Variants in SYT1 observed in about 807,000 individuals in gnomAD.
The protein encoded by SYT1 is synaptotagmin 1.
In SYT1, 8 loss-of-function variants were observed where a neutral mutation model predicts 44.8. The ratio of observed to expected loss-of-function variants is 0.18; its 90% confidence interval spans 0.10 to 0.32. SYT1 has a LOEUF of 0.32. SYT1 is among the 10% of genes least tolerant of loss of function. The pLI, the probability that SYT1 is intolerant of heterozygous loss-of-function variation, is 1.00. For synonymous variants in SYT1, 154 were observed against 188.8 expected (o/e 0.82, Z 1.51); for missense variants, 286 against 509.3 (o/e 0.56, Z 4.22).
intron 4 of SYT1, among the ~76,000 whole-genome samples, chr12:79,237,477 T>C (rs533234807): frequency 2.5e-4 from 38 of 152,228 alleles, no homozygotes; most frequent in African/African-American, 8.4e-4. Flanking sequence ...TCAAAGACTA[T>C]TGGGTAAAGT....
chr12:79,078,302 A>G (rs1254246833), intron 3 of SYT1, among the ~76,000 whole-genome samples: 3 of 151,910 alleles, frequency 2.0e-5, no homozygotes, highest in South Asian at 2.1e-4. Context: ...TCAGCCCCCA[A>G]ATTTTCTCAT....
intron 1 of SYT1, among the ~76,000 whole-genome samples, chr12:78,881,392 T>G (rs1874445550): frequency 1.3e-5 from 2 of 151,778 alleles, no homozygotes; most frequent in African/African-American, 4.8e-5. Flanking sequence ...CATGTTGTTT[T>G]AGGATTATTG....
At chr12:79,072,341 A>G (rs1243549421) in intron 3 of SYT1, among the ~76,000 whole-genome samples, 1 of 151,646 alleles carries the variant, frequency 6.6e-6, no homozygotes, top group Non-Finnish European at 1.5e-5. Flanking sequence ...GAGGAGGAGT[A>G]TTAAATGACA....
chr12:78,870,788 T>C (rs1873781794), intron 1 of SYT1, among the ~76,000 whole-genome samples: 1 of 152,050 alleles, frequency 6.6e-6, no homozygotes, highest in African/African-American at 2.4e-5. Flanking sequence ...ACTCCATGCC[T>C]ACTGTGGGTA....
chr12:78,963,868 T>C (rs1042209737), intron 1 of SYT1, among the ~76,000 whole-genome samples: 2 of 152,082 alleles, frequency 1.3e-5, no homozygotes, highest in Non-Finnish European at 2.9e-5. Flanking sequence ...ACATTAGCAC[T>C]CCCATATTCA....
intron 8 of SYT1, among the ~76,000 whole-genome samples, chr12:79,310,306 T>C (rs1259717054): frequency 6.6e-6 from 1 of 152,152 alleles, no homozygotes; most frequent in Non-Finnish European, 1.5e-5. Context: ...TTCTGAGGTT[T>C]GTCAAAGATC....
chr12:79,316,773 T>C (rs1165160698), intron 8 of SYT1, among the ~76,000 whole-genome samples: 1 of 152,238 alleles, frequency 6.6e-6, no homozygotes, highest in African/African-American at 2.4e-5. Context: ...GATAAAAAGA[T>C]GCCTTGTTTA....
chr12:78,866,601 C>T (rs1488964609), intron 1 of SYT1, among the ~76,000 whole-genome samples: 1 of 152,026 alleles, frequency 6.6e-6, no homozygotes, highest in Non-Finnish European at 1.5e-5. Context: ...TCTTATTATT[C>T]TTCAGGGACA....
chr12:78,995,132 G>A (rs779991233), intron 2 of SYT1, among the ~76,000 whole-genome samples: 3 of 152,140 alleles, frequency 2.0e-5, no homozygotes, highest in Non-Finnish European at 4.4e-5. Flanking sequence ...CTGGGCATTA[G>A]GATTTTTTTA....
chr12:79,215,933 T>C (rs1228067713), intron 3 of SYT1, among the ~76,000 whole-genome samples: 1 of 129,954 alleles, frequency 7.7e-6, no homozygotes, highest in African/African-American at 3.0e-5. Context: ...TTTTTTTTTT[T>C]TTTTTTTTTT....
chr12:78,910,041 G>T (rs1876229130), intron 1 of SYT1, among the ~76,000 whole-genome samples: 1 of 151,842 alleles, frequency 6.6e-6, no homozygotes, highest in African/African-American at 2.4e-5. Flanking sequence ...CAACCCTGTT[G>T]TTTCCTGCTT....
At chr12:78,927,999 A>G (rs886985141) in intron 1 of SYT1, among the ~76,000 whole-genome samples, 4 of 152,168 alleles carry the variant, frequency 2.6e-5, no homozygotes, top group Non-Finnish European at 4.4e-5. Flanking sequence ...TTGAAAGTAT[A>G]CACTTGAACT....
At chr12:78,880,765 A>G (rs1565699775) in intron 1 of SYT1, among the ~76,000 whole-genome samples, 2 of 151,684 alleles carry the variant, frequency 1.3e-5, no homozygotes, top group Non-Finnish European at 3.0e-5. Context: ...GTTATAATTT[A>G]CAATAAGAAG....
In SYT1 at chr12:79,040,021, A is replaced by G. The variant is rs557635905; in HGVS notation, c.-83-7276A>G. Reference sequence around the variant, plus strand: ...CCACATTTTCTTAATCCAGTCTATCATTGTTGGACATTTGGGTTGGTTCCA... The same window carrying G: ...CCACATTTTCTTAATCCAGTCTATCGTTGTTGGACATTTGGGTTGGTTCCA... On this transcript the variant is annotated intron_variant, in intron 2 of 10. Transcript: ENST00000261205. Among the ~76,000 whole-genome samples, 330 of 151,488 alleles carry G rather than the reference A, an allele frequency of 2.2e-3. 2 individuals carry two copies. In the Middle Eastern group the frequency reaches 0.041, roughly 19 times the overall value.
chr12:79,361,149 T>TA (rs1462498570), intron 9 of SYT1, among the ~76,000 whole-genome samples: 10 of 151,918 alleles, frequency 6.6e-5, no homozygotes, highest in African/African-American at 2.4e-4. Flanking sequence ...AGAATATGAG[T>TA]AAAAACAGCA....
chr12:79,183,906 A>G (rs1157437103), intron 3 of SYT1, among the ~76,000 whole-genome samples: 1 of 152,084 alleles, frequency 6.6e-6, no homozygotes, highest in Non-Finnish European at 1.5e-5. Context: ...CAATCCACAA[A>G]TTACAATTCC....
At chr12:79,177,058 T>TA (rs1555204458) in intron 3 of SYT1, among the ~76,000 whole-genome samples, 18 of 148,994 alleles carry the variant, frequency 1.2e-4, no homozygotes, top group South Asian at 4.3e-4. Flanking sequence ...TGTTTTTTTT[T>TA]ATTATACTCT....
intron 1 of SYT1, among the ~76,000 whole-genome samples, chr12:78,956,397 A>T (rs1313545231): frequency 1.3e-5 from 2 of 151,648 alleles, no homozygotes; most frequent in African/African-American, 4.8e-5. Flanking sequence ...CAGTTTCCTC[A>T]TGGGTAAAAT....
At chr12:78,970,260 A>G (rs983010212) in intron 1 of SYT1, among the ~76,000 whole-genome samples, 1 of 152,218 alleles carries the variant, frequency 6.6e-6, no homozygotes, top group Non-Finnish European at 1.5e-5. Flanking sequence ...GGCCTAGCCC[A>G]TTGCAAACCT....
Sources: allele counts gnomAD v4.1 joint callset (sites outside exome capture counted in the v4.1 genomes callset), GRCh38; gene constraint gnomAD v4.1.1; transcripts MANE v1.5; gene names NCBI Gene and HGNC (gene_info 2026-07-23, HGNC 2026-07-21).